Variants in XKR5 observed in about 807,000 individuals in gnomAD.
The protein encoded by XKR5 is XK-related protein 5.
XKR5 carries 46 observed loss-of-function variants against 40.8 expected under a neutral mutation model. The ratio of observed to expected loss-of-function variants is 1.13; its 90% confidence interval spans 0.89 to 1.44. The LOEUF is 1.44. XKR5 is among the 40% of genes most tolerant of loss of function. The pLI is 0.00. For missense variants in XKR5, 1,169 were observed against 844.7 expected, an observed-to-expected ratio of 1.38 and a Z score of -4.76; for synonymous variants, 466 against 356.1, an observed-to-expected ratio of 1.31 and a Z score of -3.48.
At chr8:6,826,472 A>T (rs1804483779) in intron 2 of XKR5, among the ~76,000 whole-genome samples, 1 of 152,012 alleles carries the variant, frequency 6.6e-6, no homozygotes, top group South Asian at 2.1e-4. Context: ...GGTGCAGGAA[A>T]TAGTGGAGTT....
intron 5 of XKR5, among the ~76,000 whole-genome samples, chr8:6,820,625 G>T (rs558246437): frequency 3.9e-5 from 6 of 152,312 alleles, no homozygotes; most frequent in Admixed American, 3.3e-4. Flanking sequence ...TGGTTGGGAG[G>T]CTGCTCATGC....
chr8:6,825,239 A>C lies in XKR5; in HGVS notation c.353T>G (p.Leu118Arg), dbSNP rs1298705448. The C allele has an allele frequency of 1.2e-6, 2 of 1,612,684 alleles. No homozygotes were observed. Among genetic ancestry groups the C allele is most frequent in the Non-Finnish European group, 1.7e-6 (2 of 1,179,550 alleles). The change falls in exon 3 of 7, where the codon CTG becomes CGG. Residue 118 changes from leucine to arginine, a missense_variant. Leu to Arg is a moderately radical substitution (Grantham distance 102). Coordinates refer to ENST00000618742, the MANE Select transcript of XKR5 (RefSeq NM_207411.5). ...DLSALRLLEA[L>R]LQTGPHLLLQ... ...CAGCAGGTGGGGCCCAGTCTGCAGC[A>C]GGGCCTCCAAGAGTCGAAGGGCCGA... is the stretch of plus-strand genomic sequence containing the variant.
intron 5 of XKR5, among the ~76,000 whole-genome samples, chr8:6,819,288 G>T (rs545045541): frequency 2.0e-5 from 3 of 152,318 alleles, no homozygotes; most frequent in Non-Finnish European, 4.4e-5. Context: ...GGGGCTGCGT[G>T]GGTCCCGGCA....
In XKR5 at chr8:6,808,673, A is replaced by G. The variant is rs940873142; in HGVS notation, c.*2525T>C. 6.6e-6 allele frequency: 1 copy of G among 152,222 alleles called. No individual in the cohort carries two copies. Among genetic ancestry groups the G allele is most frequent in the Non-Finnish European group, 1.5e-5 (1 of 68,036 alleles). 9.4% of individuals were successfully genotyped at this position (152,222 alleles called of 1,614,324 possible). On this transcript the variant is annotated 3_prime_UTR_variant, in exon 7 of 7. Coordinates refer to ENST00000618742, the MANE Select transcript of XKR5 (RefSeq NM_207411.5). ...GTCCACAGGGCCTCGAACAGCAAGTACATGCCTTGATTTCTGCATACTCAG... is the reference window on the plus strand; with the variant it reads ...GTCCACAGGGCCTCGAACAGCAAGTGCATGCCTTGATTTCTGCATACTCAG...
At chr8:6,833,933 G>A (rs1275287559) in intron 1 of XKR5, among the ~76,000 whole-genome samples, 1 of 152,188 alleles carries the variant, frequency 6.6e-6, no homozygotes, top group African/African-American at 2.4e-5. Flanking sequence ...CTCCTCTCTG[G>A]TTTGTTTGCT....
At chr8:6,829,839 T>TC (rs1482664869) in intron 2 of XKR5, among the ~76,000 whole-genome samples, 2,075 of 135,008 alleles carry the variant, frequency 0.015, 81 homozygotes, top group African/African-American at 0.056. Context: ...TTTTTTTTTT[T>TC]TTTTTTTTTT....
At chr8:6,830,311 G>C (rs1804704444) in intron 2 of XKR5, among the ~76,000 whole-genome samples, 1 of 152,166 alleles carries the variant, frequency 6.6e-6, no homozygotes, top group Non-Finnish European at 1.5e-5. Context: ...ATTGCAATTT[G>C]GAAAGCTGGA....
chr8:6,827,644 C>A (rs1243644844), intron 2 of XKR5, among the ~76,000 whole-genome samples: 1 of 152,122 alleles, frequency 6.6e-6, no homozygotes, highest in Admixed American at 6.6e-5. Flanking sequence ...AAAATGTAAC[C>A]ATGAGGGCAG....
At chr8:6,825,026 A>G (rs1028442211) in intron 3 of XKR5, 139 bp downstream of exon 3, 2 of 949,190 alleles carry the variant, frequency 2.1e-6, no homozygotes, top group Non-Finnish European at 3.1e-6. Flanking sequence ...TTTAAGCATC[A>G]TCTGTGCCAG....
At chr8:6,813,389 G>T (rs1803822728) in intron 6 of XKR5, among the ~76,000 whole-genome samples, 1 of 152,132 alleles carries the variant, frequency 6.6e-6, no homozygotes, top group African/African-American at 2.4e-5. Context: ...ATGAACAAAG[G>T]CCCCTGATCA....
chr8:6,825,886 G>C (rs1265935462), intron 2 of XKR5, among the ~76,000 whole-genome samples: 2 of 152,214 alleles, frequency 1.3e-5, no homozygotes, highest in South Asian at 2.1e-4. Flanking sequence ...GGCTTTGCTG[G>C]GGAGTGGCCA....
At chr8:6,827,414 A>G (rs938125866) in intron 2 of XKR5, among the ~76,000 whole-genome samples, 5 of 152,232 alleles carry the variant, frequency 3.3e-5, no homozygotes, top group Admixed American at 2.6e-4. Flanking sequence ...GCAGGTGACA[A>G]GCTGGACCCT....
At chr8:6,823,870 C>T in intron 3 of XKR5, 140 bp from the exon 4 acceptor site, 3 of 711,884 alleles carry the variant, frequency 4.2e-6, no homozygotes, top group Non-Finnish European at 7.1e-6. Context: ...TATTACTAAC[C>T]CACCACTTTG....
chr8:6,825,980 C>A (rs1384747537), intron 2 of XKR5, among the ~76,000 whole-genome samples: 1 of 152,132 alleles, frequency 6.6e-6, no homozygotes, highest in East Asian at 1.9e-4. Context: ...GAACTTCAGG[C>A]TATGGGGTTT....
Position 6,825,247 on chromosome 8 carries a change from C to T in XKR5, c.345G>A (p.Leu115=), listed in dbSNP as rs757317494. ...GGGGCCCAGTCTGCAGCAGGGCCTCCAAGAGTCGAAGGGCCGACAGGTCGG... is the reference window on the plus strand; with the variant it reads ...GGGGCCCAGTCTGCAGCAGGGCCTCTAAGAGTCGAAGGGCCGACAGGTCGG... The part of the protein sequence containing the change: ...QEADLSALRL[L]EALLQTGPHL... The change falls in exon 3 of 7, where the codon TTG becomes TTA. Residue 115 remains leucine (L), a synonymous_variant. Coordinates refer to ENST00000618742, the MANE Select transcript of XKR5 (RefSeq NM_207411.5). 1.2e-6 allele frequency: 2 copies of T among 1,612,356 alleles called. No homozygotes were observed. Among genetic ancestry groups the T allele is most frequent in the Non-Finnish European group, 8.5e-7 (1 of 1,179,342 alleles).
chr8:6,818,794 C>T (rs985949057), intron 5 of XKR5, among the ~76,000 whole-genome samples: 8 of 152,212 alleles, frequency 5.3e-5, no homozygotes, highest in African/African-American at 1.7e-4. Context: ...ACTGGAGGCC[C>T]CCAGCCCCCA....
rs527916505 is a variant in XKR5 at position 6,831,055 on chromosome 8, G to C, written c.242+1662C>G. Among the ~76,000 whole-genome samples the C allele has an allele frequency of 2.3e-3, 352 of 152,284 alleles. 2 individuals carry two copies. The South Asian group carries it at 0.029, about 13-fold the overall frequency. ...ACCACCTGGGCTTACCTCTCTCTTTGGGCTGCCAAACATGGGCTCATGGTA... is the reference window on the plus strand; with the variant it reads ...ACCACCTGGGCTTACCTCTCTCTTTCGGCTGCCAAACATGGGCTCATGGTA... On this transcript the variant is annotated intron_variant, in intron 2 of 6. Coordinates refer to ENST00000618742, the MANE Select transcript of XKR5 (RefSeq NM_207411.5).
chr8:6,815,173 C>T (rs956526675), intron 6 of XKR5, among the ~76,000 whole-genome samples: 12 of 152,200 alleles, frequency 7.9e-5, no homozygotes, highest in African/African-American at 2.7e-4. Flanking sequence ...CTGGTGTTCG[C>T]ACCTTTCAAG....
chr8:6,821,206 G>A (rs371073082), intron 5 of XKR5, among the ~76,000 whole-genome samples: 5 of 152,180 alleles, frequency 3.3e-5, no homozygotes, highest in African/African-American at 1.2e-4. Context: ...CAATGTGATT[G>A]TATTTTCTCT....
Sources: allele counts gnomAD v4.1 joint callset (sites outside exome capture counted in the v4.1 genomes callset), GRCh38; gene constraint gnomAD v4.1.1; transcripts MANE v1.5; gene names NCBI Gene and HGNC (gene_info 2026-07-23, HGNC 2026-07-21).